ADCY9: variants seen among roughly 807,000 people sequenced by gnomAD.
ADCY9 encodes the protein adenylate cyclase type 9.
A neutral mutation model predicts 101.5 loss-of-function variants in ADCY9; 50 were observed. The ratio of observed to expected loss-of-function variants is 0.49; its 90% CI spans 0.39 to 0.62. The LOEUF is 0.62. Ranked by LOEUF, ADCY9 falls within the 20% of genes least tolerant of loss-of-function variation. The pLI, the probability that ADCY9 is intolerant of heterozygous loss-of-function variation, is 0.00. For synonymous variants in ADCY9, 905 were observed against 769.3 expected (o/e 1.18, Z -2.92); for missense variants, 1,662 against 1,800.4 (o/e 0.92, Z 1.39).
intron 2 of ADCY9, among the ~76,000 whole-genome samples, chr16:4,097,446 G>A (rs2057010817): frequency 3.0e-5 from 2 of 66,234 alleles, no homozygotes; most frequent in Admixed American, 4.3e-4. Context: ...ACTCACATGT[G>A]GAGTTACATA....
chr16:4,112,201 G>A (rs1420709241), intron 2 of ADCY9, among the ~76,000 whole-genome samples: 3 of 152,202 alleles, frequency 2.0e-5, no homozygotes, highest in African/African-American at 7.2e-5. Flanking sequence ...AGACTCAAGA[G>A]CGAGTGCCAC....
chr16:4,002,566 C>A (rs546308627), intron 3 of ADCY9, among the ~76,000 whole-genome samples: 1 of 152,094 alleles, frequency 6.6e-6, no homozygotes, highest in Admixed American at 6.6e-5. Context: ...CCAAGCAGCC[C>A]GGGGTTCTGA....
intron 5 of ADCY9, among the ~76,000 whole-genome samples, chr16:3,991,565 C>T (rs777210280): frequency 2.0e-5 from 3 of 151,920 alleles, no homozygotes; most frequent in Non-Finnish European, 2.9e-5. Flanking sequence ...GTTCGAGACC[C>T]GCCTGGCCAA....
At chr16:3,970,430 G>C (rs1222121810) in intron 10 of ADCY9, among the ~76,000 whole-genome samples, 2 of 152,150 alleles carry the variant, frequency 1.3e-5, no homozygotes, top group East Asian at 3.8e-4. Context: ...AGGTTCAAGT[G>C]ATTCTCTTGC....
chr16:4,082,223 T>C (rs2056907879), intron 2 of ADCY9, among the ~76,000 whole-genome samples: 3 of 150,744 alleles, frequency 2.0e-5, no homozygotes, highest in South Asian at 2.1e-4. Context: ...AAAAAAAAAA[T>C]TGAAAATTAG....
At chr16:4,100,431 G>C (rs564340430) in intron 2 of ADCY9, among the ~76,000 whole-genome samples, 2 of 152,198 alleles carry the variant, frequency 1.3e-5, no homozygotes, top group East Asian at 3.9e-4. Flanking sequence ...CTAGGTTCCA[G>C]CGATTCTCCT....
intron 6 of ADCY9, among the ~76,000 whole-genome samples, chr16:3,985,704 G>A (rs1002502031): frequency 2.0e-5 from 3 of 152,100 alleles, no homozygotes; most frequent in Admixed American, 2.0e-4. Flanking sequence ...GATTGGGGCT[G>A]CCATCTCCTC....
intron 2 of ADCY9, among the ~76,000 whole-genome samples, chr16:4,022,191 C>T (rs556542364): frequency 1.3e-5 from 2 of 152,208 alleles, no homozygotes; most frequent in South Asian, 4.1e-4. Context: ...AGCCTGAGGA[C>T]AGGTTAAAGA....
chr16:3,979,340 G>A, intron 7 of ADCY9, 65 bp from the exon 8 acceptor site: 1 of 1,579,664 alleles, frequency 6.3e-7, no homozygotes, highest in Non-Finnish European at 8.6e-7. Flanking sequence ...CCAGGAGACA[G>A]GTGCGAGGCC....
intron 2 of ADCY9, among the ~76,000 whole-genome samples, chr16:4,097,477 T>TACAC (rs1420304318): frequency 1.0e-4 from 5 of 50,152 alleles, no homozygotes; most frequent in Admixed American, 2.7e-4. Context: ...TATATATATA[T>TACAC]ATATATATAT....
At chr16:4,092,006 C>T (rs556563838) in intron 2 of ADCY9, among the ~76,000 whole-genome samples, 3 of 152,368 alleles carry the variant, frequency 2.0e-5, no homozygotes, top group South Asian at 4.1e-4. Flanking sequence ...CTGTGGCTCA[C>T]GCCTGTAATC....
chr16:3,993,367 G>A (rs553934986), intron 4 of ADCY9, 39 bp downstream of exon 4: 3 of 1,606,806 alleles, frequency 1.9e-6, no homozygotes, highest in African/African-American at 2.7e-5. Flanking sequence ...GATGCGCCAG[G>A]AGAGGAACTG....
At chr16:4,100,039 T>A (rs560783423) in intron 2 of ADCY9, among the ~76,000 whole-genome samples, 1 of 152,186 alleles carries the variant, frequency 6.6e-6, no homozygotes, top group Admixed American at 6.5e-5. Context: ...TCCCCATGTG[T>A]CGAGGGAGGG....
At chr16:4,043,232 AAAAC>A (rs1422873757) in intron 2 of ADCY9, among the ~76,000 whole-genome samples, 2 of 152,204 alleles carry the variant, frequency 1.3e-5, no homozygotes, top group Non-Finnish European at 2.9e-5. Flanking sequence ...CTCTGTCTCA[AAAAC>A]AAACAAACAA....
chr16:3,980,562 C>G (rs2056132717), intron 7 of ADCY9, among the ~76,000 whole-genome samples: 1 of 152,150 alleles, frequency 6.6e-6, no homozygotes, highest in Non-Finnish European at 1.5e-5. Flanking sequence ...AGCCCCCCGC[C>G]CCCAGCCTTC....
At chr16:3,961,791 T>C (rs114772294), downstream of ADCY9, among the ~76,000 whole-genome samples, 4,437 of 152,270 alleles carry the variant, frequency 0.029, 211 homozygotes, top group African/African-American at 0.1. Flanking sequence ...TTCGGGAGGC[T>C]GAGGCGCACG....
At chr16:3,988,503 G>A (rs1265909891) in intron 6 of ADCY9, among the ~76,000 whole-genome samples, 1 of 147,220 alleles carries the variant, frequency 6.8e-6, no homozygotes, top group Non-Finnish European at 1.5e-5. Flanking sequence ...CAGGTGTGGG[G>A]GGTTCCCTTC....
intron 2 of ADCY9, among the ~76,000 whole-genome samples, chr16:4,101,774 G>A (rs773140185): frequency 2.0e-5 from 3 of 152,074 alleles, no homozygotes; most frequent in Non-Finnish European, 4.4e-5. Flanking sequence ...TTCAAACCAC[G>A]GCCAATAGCT....
intron 3 of ADCY9, among the ~76,000 whole-genome samples, chr16:3,996,094 C>T (rs1420621512): frequency 2.0e-4 from 31 of 152,168 alleles, no homozygotes; most frequent in Admixed American, 1.9e-3. Context: ...GGTGTGCTGG[C>T]TCACACCTGT....
Sources: allele counts gnomAD v4.1 joint callset (sites outside exome capture counted in the v4.1 genomes callset), GRCh38; gene constraint gnomAD v4.1.1; transcripts MANE v1.5; gene names NCBI Gene and HGNC (gene_info 2026-07-23, HGNC 2026-07-21).